Variants in PCDH15 observed in about 807,000 individuals in gnomAD.
The protein encoded by PCDH15 is protocadherin-15.
Under a neutral mutation model 178.5 loss-of-function variants are expected in PCDH15, and 129 were observed. The ratio of observed to expected loss-of-function variants is 0.72; its 90% CI spans 0.63 to 0.84. The LOEUF is 0.84. PCDH15 is among the 40% of genes least tolerant of loss of function. The pLI is 0.00. For synonymous variants in PCDH15, 800 were observed against 732.0 expected, an observed-to-expected ratio of 1.09 and a Z score of -1.50; for missense variants, 2,230 against 2,099.9, an observed-to-expected ratio of 1.06 and a Z score of -1.21.
At chr10:55,147,881 T>C (rs1838574853) in intron 2 of PCDH15, among the ~76,000 whole-genome samples, 1 of 151,642 alleles carries the variant, frequency 6.6e-6, no homozygotes, top group Non-Finnish European at 1.5e-5. Context: ...TCACCTCCAC[T>C]AGATACTCTT....
rs2054689947 is a variant in PCDH15, at chr10:54,236,938, A to C, written c.877-7T>G. 6.2e-7 allele frequency: 1 copy of C among 1,607,312 alleles called. No homozygotes were observed. The highest frequency in any genetic ancestry group is 2.2e-5 in the East Asian group (1 of 44,780). ...TAATGGGGTTCAGTTCTTCCTGAAA[A>C]AAAAATTAAGAGAGTTTCATTCAGC... On this transcript the variant is annotated splice_polypyrimidine_tract_variant and splice_region_variant and intron_variant, in intron 8 of 37. Transcript: ENST00000644397.
chr10:55,370,819 C>A (rs1204841875), intron 2 of PCDH15, among the ~76,000 whole-genome samples: 1 of 152,124 alleles, frequency 6.6e-6, no homozygotes, highest in Non-Finnish European at 1.5e-5. Flanking sequence ...TATAATCCAT[C>A]CAATTGACTC....
intron 21 of PCDH15, among the ~76,000 whole-genome samples, chr10:53,992,168 G>T (rs2091552486): frequency 6.6e-6 from 1 of 152,148 alleles, no homozygotes. Context: ...CAGACGTGCT[G>T]CCTTAAGAGC....
intron 3 of PCDH15, among the ~76,000 whole-genome samples, chr10:54,514,141 T>C (rs1035616399): frequency 7.2e-5 from 11 of 152,228 alleles, no homozygotes; most frequent in Non-Finnish European, 1.2e-4. Context: ...CTTTTACATA[T>C]TGTTAAAATG....
chr10:54,054,446 C>T (rs7078620), intron 18 of PCDH15, among the ~76,000 whole-genome samples: 60,354 of 151,736 alleles, frequency 0.4, 12,484 homozygotes, highest in Middle Eastern at 0.54. Context: ...AGCAATAGAG[C>T]AGTAAAGTGA....
chr10:53,823,155 G>A (rs2076417930), intron 32 of PCDH15: 2 of 1,613,846 alleles, frequency 1.2e-6, no homozygotes, highest in South Asian at 1.1e-5. Flanking sequence ...GGGATTATGG[G>A]CACTTAAGTC....
At chr10:55,248,275 G>C (rs1381469105) in intron 1 of PCDH15, among the ~76,000 whole-genome samples, 1 of 151,028 alleles carries the variant, frequency 6.6e-6, no homozygotes, top group Non-Finnish European at 1.5e-5. Context: ...ATATCATTTT[G>C]AAAAAAACAC....
At chr10:54,741,903 A>G (rs1004485644) in intron 1 of PCDH15, among the ~76,000 whole-genome samples, 4 of 152,036 alleles carry the variant, frequency 2.6e-5, no homozygotes, top group Admixed American at 6.6e-5. Context: ...TCCTAACTCA[A>G]TCTTCAACTT....
intron 1 of PCDH15, among the ~76,000 whole-genome samples, chr10:54,697,515 G>GTA (rs141387823): frequency 0.24 from 33,856 of 142,564 alleles, 4,374 homozygotes; most frequent in Middle Eastern, 0.34. Flanking sequence ...TGAAATGTGT[G>GTA]TATATATATA....
chr10:54,296,422 C>A (rs1395637815), intron 8 of PCDH15, among the ~76,000 whole-genome samples: 3 of 152,182 alleles, frequency 2.0e-5, no homozygotes, highest in Non-Finnish European at 4.4e-5. Flanking sequence ...GGGAGACTCG[C>A]CCATCTCTCC....
intron 2 of PCDH15, among the ~76,000 whole-genome samples, chr10:55,582,579 A>C (rs1178193979): frequency 8.0e-6 from 1 of 124,872 alleles, no homozygotes; most frequent in African/African-American, 3.2e-5. Context: ...CAAACTGGCT[A>C]TTCTGTATGT....
At chr10:55,258,231 G>T (rs948120967) in intron 1 of PCDH15, among the ~76,000 whole-genome samples, 7 of 152,122 alleles carry the variant, frequency 4.6e-5, no homozygotes, top group Non-Finnish European at 8.8e-5. Flanking sequence ...TCCTAAAAGG[G>T]TTTAAGACAA....
chr10:55,240,758 T>C (rs1841520167), intron 1 of PCDH15, among the ~76,000 whole-genome samples: 1 of 152,212 alleles, frequency 6.6e-6, no homozygotes, highest in Non-Finnish European at 1.5e-5. Flanking sequence ...CTTTTATTTT[T>C]ATTTTAAAAT....
At chr10:54,922,718 G>A (rs770950162) in intron 2 of PCDH15, among the ~76,000 whole-genome samples, 1 of 152,070 alleles carries the variant, frequency 6.6e-6, no homozygotes, top group Admixed American at 6.5e-5. Flanking sequence ...CTCACATCCA[G>A]GCCACAATGA....
intron 8 of PCDH15, among the ~76,000 whole-genome samples, chr10:54,296,144 CAAAAAAA>C (rs59721161): frequency 0.023 from 1,095 of 48,240 alleles, 21 homozygotes; most frequent in African/African-American, 0.075. Flanking sequence ...GACTCCGTCT[CAAAAAAA>C]AAAAAAAAAA....
chr10:55,251,496 A>C (rs528266104), intron 1 of PCDH15, among the ~76,000 whole-genome samples: 77 of 152,306 alleles, frequency 5.1e-4, no homozygotes, highest in Non-Finnish European at 8.7e-4. Context: ...TTCATTCAGC[A>C]TAAGTATGTG....
chr10:54,431,695 C>A (rs7081246), intron 3 of PCDH15, among the ~76,000 whole-genome samples: 4,281 of 152,218 alleles, frequency 0.028, 85 homozygotes, highest in African/African-American at 0.055. Flanking sequence ...ATATCTGGAT[C>A]ATGGCAAGGA....
At chr10:54,118,973 A>AG (rs1363065894) in intron 15 of PCDH15, among the ~76,000 whole-genome samples, 1 of 152,144 alleles carries the variant, frequency 6.6e-6, no homozygotes, top group East Asian at 1.9e-4. Flanking sequence ...CCAGTTGATA[A>AG]AAAGAAAGAA....
At chr10:54,868,571 T>G (rs1591753518) in intron 3 of PCDH15, among the ~76,000 whole-genome samples, 2 of 152,248 alleles carry the variant, frequency 1.3e-5, no homozygotes, top group East Asian at 3.9e-4. Flanking sequence ...TAATCCCATT[T>G]TCATCCCATT....
Sources: allele counts gnomAD v4.1 joint callset (sites outside exome capture counted in the v4.1 genomes callset), GRCh38; gene constraint gnomAD v4.1.1; transcripts MANE v1.5; gene names NCBI Gene and HGNC (gene_info 2026-07-23, HGNC 2026-07-21).